MAML3: variants seen among roughly 807,000 people sequenced by gnomAD.
The protein encoded by MAML3 is mastermind like transcriptional coactivator 3.
Under a neutral mutation model 101.9 loss-of-function variants are expected in MAML3, and 27 were observed. The observed-to-expected ratio is 0.27, with a 90% CI of 0.20 to 0.37. The LOEUF is 0.37. Ranked by LOEUF, MAML3 falls within the 10% of genes least tolerant of loss-of-function variation. The pLI is 1.00. For missense variants in MAML3, 1,316 were observed against 1,444.9 expected, an observed-to-expected ratio of 0.91 and a Z score of 1.45; for synonymous variants, 501 against 555.9, an observed-to-expected ratio of 0.90 and a Z score of 1.39.
chr4:140,150,859 G>A (rs1023988726), intron 1 of MAML3, among the ~76,000 whole-genome samples: 2 of 152,194 alleles, frequency 1.3e-5, no homozygotes, highest in African/African-American at 4.8e-5. Flanking sequence ...AAACTACAGT[G>A]TGTCAGTGGT....
chr4:140,006,368 T>C lies in MAML3; in HGVS notation c.469-115401A>G, dbSNP rs553260945. Among the ~76,000 whole-genome samples, 40 of 152,032 alleles carry C rather than the reference T, an allele frequency of 2.6e-4. No homozygotes were observed. The South Asian group carries it at 4.0e-3, about 15-fold the overall frequency. On this transcript the variant is annotated intron_variant, in intron 1 of 4. Transcript: ENST00000509479. ...TGGGAGGCCAAGAGGGGTGGATCACTTGAGGTTAGGAGTTTGAGACCAGCC... is the reference window on the plus strand; with the variant it reads ...TGGGAGGCCAAGAGGGGTGGATCACCTGAGGTTAGGAGTTTGAGACCAGCC...
chr4:140,151,677 G>A (rs981719935), intron 1 of MAML3, among the ~76,000 whole-genome samples: 1 of 130,624 alleles, frequency 7.7e-6, no homozygotes, highest in African/African-American at 3.0e-5. Context: ...CCCAGCACCC[G>A]GGCGGCGCGG....
chr4:139,819,659 C>A lies in MAML3; in HGVS notation c.2079+69698G>T, dbSNP rs146828051. ...GTAGTTATCACTATTTTCTAAACGC[C>A]CAAGTGTTCTCAGAGATATGATTAT... On this transcript the variant is annotated intron_variant, in intron 2 of 4. Coordinates refer to ENST00000509479, the MANE Select transcript of MAML3 (RefSeq NM_018717.5). Among the ~76,000 whole-genome samples the A allele has an allele frequency of 2.3e-3, 353 of 152,184 alleles. 1 individual carries two copies. The highest frequency in any genetic ancestry group is 0.02 in the Middle Eastern group (6 of 294).
At chr4:140,121,766 A>T (rs1728609591) in intron 1 of MAML3, among the ~76,000 whole-genome samples, 1 of 152,250 alleles carries the variant, frequency 6.6e-6, no homozygotes, top group Non-Finnish European at 1.5e-5. Flanking sequence ...ATTTCATAGC[A>T]CATGCCACTG....
In MAML3 at chr4:139,730,628, T is replaced by C; in HGVS notation, c.2119A>G (p.Met707Val). The C allele has an allele frequency of 6.2e-7, 1 of 1,613,196 alleles. No homozygotes were observed. Among genetic ancestry groups the C allele is most frequent in the Non-Finnish European group, 8.5e-7 (1 of 1,179,662 alleles). The change falls in exon 3 of 5, where the codon ATG (methionine) becomes GTG (valine). Residue 707 changes from methionine to valine, a missense_variant. Physicochemically the swap from Met to Val is conservative, Grantham distance 21. Transcript: ENST00000509479. Reference protein sequence around the residue: ...PVGLPRTTGPMQSSVPPGSGG... With the variant: ...PVGLPRTTGPVQSSVPPGSGG... ...GAGCCTGGGGGCACGGAGGACTGCA[T>C]GGGGCCTGTGGTTCGGGGAAGTCCA...
intron 2 of MAML3, among the ~76,000 whole-genome samples, chr4:139,791,158 A>G (rs1483912662): frequency 6.6e-6 from 1 of 152,216 alleles, no homozygotes; most frequent in East Asian, 1.9e-4. Flanking sequence ...CCTTATATAA[A>G]TCTTCAAAAT....
At chr4:139,847,031 A>C (rs1371702280) in intron 2 of MAML3, among the ~76,000 whole-genome samples, 2 of 152,222 alleles carry the variant, frequency 1.3e-5, no homozygotes, top group African/African-American at 2.4e-5. Flanking sequence ...GACAGGCCAG[A>C]GACAGGGTAA....
chr4:139,985,307 A>G (rs543783692), intron 1 of MAML3, among the ~76,000 whole-genome samples: 1 of 152,336 alleles, frequency 6.6e-6, no homozygotes, highest in South Asian at 2.1e-4. Flanking sequence ...TGAGCGTAGG[A>G]ACATAACCCC....
chr4:140,103,485 ATTG>A lies in MAML3; in HGVS notation c.468+49372_468+49374del, dbSNP rs561102205. 3.3e-5 allele frequency among the ~76,000 whole-genome samples: 5 copies of A among 152,274 alleles called. No homozygotes were observed. In the South Asian group the frequency reaches 1.0e-3, roughly 32 times the overall value. On this transcript the variant is annotated intron_variant, in intron 1 of 4. Coordinates refer to ENST00000509479, the MANE Select transcript of MAML3 (RefSeq NM_018717.5). ...TGAAAATCCTAATTGGAACTCTTCTATTGTTGTTGTTTATGTGTGTGTTTGTTG... is the reference window on the plus strand; with the variant it reads ...TGAAAATCCTAATTGGAACTCTTCTATTGTTGTTTATGTGTGTGTTTGTTG...
chr4:139,884,104 G>A lies in MAML3; in HGVS notation c.2079+5253C>T, dbSNP rs149238343. Among the ~76,000 whole-genome samples, 60 of 152,022 alleles carry A rather than the reference G, an allele frequency of 3.9e-4. 1 individual carries two copies. Among genetic ancestry groups the A allele is most frequent in the African/African-American group, 1.3e-3 (54 of 41,456 alleles). Reference sequence around the variant, plus strand: ...TCACCATGTTGGTCAGGCTGCTCTCGAACTCCTGACCTCAGGTGATCCACC... The same window carrying A: ...TCACCATGTTGGTCAGGCTGCTCTCAAACTCCTGACCTCAGGTGATCCACC... On this transcript the variant is annotated intron_variant, in intron 2 of 4. Transcript: ENST00000509479.
chr4:140,110,998 C>T (rs1226483301), intron 1 of MAML3, among the ~76,000 whole-genome samples: 5 of 152,156 alleles, frequency 3.3e-5, no homozygotes, highest in Non-Finnish European at 7.3e-5. Context: ...AGTATTTGTG[C>T]ACCTGTCAGA....
chr4:140,125,550 A>C (rs1459263911), intron 1 of MAML3, among the ~76,000 whole-genome samples: 3 of 152,220 alleles, frequency 2.0e-5, no homozygotes, highest in Non-Finnish European at 2.9e-5. Context: ...ATATATACTT[A>C]CTCATGCACA....
intron 2 of MAML3, among the ~76,000 whole-genome samples, chr4:139,772,333 T>C (rs1305540970): frequency 6.7e-6 from 1 of 150,144 alleles, no homozygotes; most frequent in Non-Finnish European, 1.5e-5. Flanking sequence ...ATTTTTAAAG[T>C]TGTCTTTTTG....
At chr4:140,146,486 T>C (rs1294169523) in intron 1 of MAML3, among the ~76,000 whole-genome samples, 3 of 152,254 alleles carry the variant, frequency 2.0e-5, no homozygotes, top group Admixed American at 6.5e-5. Flanking sequence ...ATTTCTTTTG[T>C]TCTTTAAACT....
chr4:139,977,131 G>A (rs1422486338), intron 1 of MAML3, among the ~76,000 whole-genome samples: 2 of 152,104 alleles, frequency 1.3e-5, no homozygotes, highest in Non-Finnish European at 2.9e-5. Flanking sequence ...CACCATCTAT[G>A]AACCAGGAAA....
At position 139,769,337 on chromosome 4, in the gene MAML3, CACATCTCAGGTG is replaced by C. The variant is rs1729927245; in HGVS notation, c.2080-38682_2080-38671del. Among the ~76,000 whole-genome samples, 3 of 152,138 alleles carry C rather than the reference CACATCTCAGGTG, an allele frequency of 2.0e-5. No individual in the cohort carries two copies. In the South Asian group the frequency reaches 6.2e-4, roughly 32 times the overall value. ...GAGTCAAAACACACTCTCCTGAGAA[CACATCTCAGGTG>C]CATGGAACACAAGACACGCTGCTTT... On this transcript the variant is annotated intron_variant, in intron 2 of 4. Coordinates refer to ENST00000509479, the MANE Select transcript of MAML3 (RefSeq NM_018717.5).
At chr4:139,837,122 C>CA (rs34871581) in intron 2 of MAML3, among the ~76,000 whole-genome samples, 4,370 of 84,318 alleles carry the variant, frequency 0.052, 124 homozygotes, top group African/African-American at 0.09. Context: ...AACTCTGTCT[C>CA]AAAAAAAAAA....
intron 1 of MAML3, among the ~76,000 whole-genome samples, chr4:139,919,465 A>G (rs894170072): frequency 2.0e-5 from 3 of 152,284 alleles, no homozygotes; most frequent in Admixed American, 6.5e-5. Context: ...TAACTTTTTT[A>G]TGTAGAAAGT....
At chr4:140,129,856 T>A (rs538614481) in intron 1 of MAML3, among the ~76,000 whole-genome samples, 1 of 151,872 alleles carries the variant, frequency 6.6e-6, no homozygotes, top group East Asian at 1.9e-4. Flanking sequence ...TCCCAGCTAT[T>A]CGAGAGGCTG....
Sources: gnomAD v4.1 joint callset for allele counts (sites outside exome capture counted in the v4.1 genomes callset) on GRCh38, gnomAD v4.1.1 for gene constraint, MANE v1.5 for transcripts, NCBI Gene and HGNC (gene_info 2026-07-23, HGNC 2026-07-21) for gene names.